Variants in RAPGEF4 observed in about 807,000 individuals in gnomAD.
RAPGEF4 encodes RAP guanine-nucleotide-exchange factor (GEF) 4.
Under a neutral mutation model 147.9 loss-of-function variants are expected in RAPGEF4, and 66 were observed. That is an observed-to-expected ratio of 0.45 (90% CI 0.37 to 0.55). The LOEUF (loss-of-function observed/expected upper bound fraction) is 0.55, where lower values mean the gene tolerates loss of function less well. RAPGEF4 is among the 20% of genes least tolerant of loss of function. The probability of loss-of-function intolerance (pLI) is 0.00; values close to 1 mark genes in which losing one functional copy is unlikely to be tolerated. For synonymous variants in RAPGEF4, 419 were observed against 442.7 expected (o/e 0.95, Z 0.67); for missense variants, 1,071 against 1,257.3 (o/e 0.85, Z 2.24).
chr2:173,017,616 C>T, intron 21 of RAPGEF4, 112 bp downstream of exon 21: 1 of 1,035,682 alleles, frequency 9.7e-7, no homozygotes, highest in South Asian at 1.6e-5. Flanking sequence ...CCCTGTTGCC[C>T]TCCAGATGGT....
intron 1 of RAPGEF4, chr2:172,736,261 T>A (rs1017804874): frequency 2.9e-6 from 1 of 348,282 alleles, no homozygotes; most frequent in Non-Finnish European, 5.1e-6. Flanking sequence ...TTATTACACG[T>A]GGTGGAGAAA....
chr2:173,026,745 AG>A (rs776072383), intron 24 of RAPGEF4, 48 bp downstream of exon 24: 8 of 1,601,914 alleles, frequency 5.0e-6, no homozygotes, highest in Middle Eastern at 3.3e-4. Context: ...GCAAGGATAA[AG>A]GCTGCTGGCA....
intron 4 of RAPGEF4, among the ~76,000 whole-genome samples, chr2:172,838,204 T>G (rs1057493401): frequency 6.6e-6 from 1 of 152,060 alleles, no homozygotes; most frequent in Non-Finnish European, 1.5e-5. Context: ...CCCTTTGATA[T>G]CCTAAAAAAT....
intron 4 of RAPGEF4, among the ~76,000 whole-genome samples, chr2:172,822,674 G>A (rs1463049891): frequency 3.9e-5 from 6 of 152,206 alleles, no homozygotes; most frequent in East Asian, 1.9e-4. Context: ...TGTTCATTTC[G>A]GGAGTGTAGA....
intron 17 of RAPGEF4, among the ~76,000 whole-genome samples, chr2:173,004,843 A>G (rs1694277766): frequency 2.0e-5 from 3 of 152,088 alleles, no homozygotes; most frequent in Non-Finnish European, 4.4e-5. Flanking sequence ...GCTTTTTGGT[A>G]ATATGCTGTT....
chr2:172,747,199 C>G (rs190910192), intron 1 of RAPGEF4, among the ~76,000 whole-genome samples: 1 of 152,278 alleles, frequency 6.6e-6, no homozygotes, highest in East Asian at 1.9e-4. Flanking sequence ...AATTTTTCAT[C>G]TTCATTGAGG....
intron 4 of RAPGEF4, among the ~76,000 whole-genome samples, chr2:172,816,244 A>G (rs1688490778): frequency 6.6e-6 from 1 of 151,742 alleles, no homozygotes; most frequent in South Asian, 2.1e-4. Context: ...TTTGATTGTT[A>G]TATCTAAGTC....
intron 4 of RAPGEF4, among the ~76,000 whole-genome samples, chr2:172,903,693 G>C (rs1380434138): frequency 2.4e-5 from 3 of 123,050 alleles, no homozygotes; most frequent in Non-Finnish European, 5.0e-5. Context: ...AAAGCTAAGA[G>C]ACCCTATGGA....
intron 4 of RAPGEF4, among the ~76,000 whole-genome samples, chr2:172,882,635 G>A (rs1351020332): frequency 1.3e-5 from 2 of 152,126 alleles, no homozygotes; most frequent in Non-Finnish European, 2.9e-5. Context: ...GAGTCACTTA[G>A]CATTGTCATT....
chr2:172,954,576 A>T (rs1688542398), intron 6 of RAPGEF4, among the ~76,000 whole-genome samples: 1 of 152,188 alleles, frequency 6.6e-6, no homozygotes, highest in African/African-American at 2.4e-5. Flanking sequence ...GTTAATTCAG[A>T]GTAGTGAAAT....
intron 27 of RAPGEF4, among the ~76,000 whole-genome samples, chr2:173,034,873 A>AACACACACAC (rs34646146): frequency 1.6e-3 from 220 of 140,944 alleles, no homozygotes; most frequent in African/African-American, 5.5e-3. Flanking sequence ...ACCCCGTCTC[A>AACACACACAC]ACACACACAC....
intron 1 of RAPGEF4, among the ~76,000 whole-genome samples, chr2:172,767,656 A>T (rs1336577078): frequency 1.3e-5 from 2 of 152,172 alleles, no homozygotes; most frequent in African/African-American, 2.4e-5. Flanking sequence ...CCAAGTGGTT[A>T]TATTTCTTTT....
At chr2:173,047,101 T>C (rs1250947868) in intron 29 of RAPGEF4, among the ~76,000 whole-genome samples, 2 of 152,066 alleles carry the variant, frequency 1.3e-5, no homozygotes, top group African/African-American at 2.4e-5. Flanking sequence ...AATTAATCTA[T>C]TATCTCCACA....
At chr2:172,934,303 C>T (rs1399049921) in intron 6 of RAPGEF4, among the ~76,000 whole-genome samples, 1 of 151,974 alleles carries the variant, frequency 6.6e-6, no homozygotes, top group Non-Finnish European at 1.5e-5. Context: ...GCACCTACCA[C>T]CATGCCCGGC....
chr2:173,016,565 G>A, intron 19 of RAPGEF4, 128 bp downstream of exon 19: 1 of 714,940 alleles, frequency 1.4e-6, no homozygotes, highest in African/African-American at 1.7e-5. Flanking sequence ...TAAGCAGACT[G>A]GGCTGAGGGC....
chr2:172,852,581 A>G (rs937459615), intron 4 of RAPGEF4, among the ~76,000 whole-genome samples: 13 of 152,130 alleles, frequency 8.5e-5, no homozygotes, highest in Non-Finnish European at 1.2e-4. Context: ...TTATGTGCCA[A>G]TAATGGGAAT....
chr2:172,798,278 G>C (rs1444397411), intron 3 of RAPGEF4, among the ~76,000 whole-genome samples: 6 of 151,726 alleles, frequency 4.0e-5, no homozygotes, highest in Non-Finnish European at 4.4e-5. Context: ...AATTAAAAAA[G>C]AAAGAAAGAA....
intron 15 of RAPGEF4, among the ~76,000 whole-genome samples, chr2:172,994,951 C>T (rs897460667): frequency 2.0e-5 from 3 of 152,010 alleles, no homozygotes; most frequent in Non-Finnish European, 4.4e-5. Context: ...TGGTCTTGTG[C>T]GCGCACTATA....
intron 2 of RAPGEF4, 88 bp from the exon 3 acceptor site, chr2:172,797,437 A>T: frequency 9.9e-7 from 1 of 1,009,082 alleles, no homozygotes. Context: ...TAGGTCCAAG[A>T]CATGCTTGGA....
Sources: gnomAD v4.1 joint callset for allele counts (sites outside exome capture counted in the v4.1 genomes callset) on GRCh38, gnomAD v4.1.1 for gene constraint, MANE v1.5 for transcripts, NCBI Gene and HGNC (gene_info 2026-07-23, HGNC 2026-07-21) for gene names.